Variants in ZDHHC22 observed in about 807,000 individuals in gnomAD.
ZDHHC22 encodes palmitoyltransferase ZDHHC22.
In ZDHHC22, 13 loss-of-function variants were observed where a neutral mutation model predicts 17.0. That is an observed-to-expected ratio of 0.76 (90% confidence interval 0.50 to 1.21). ZDHHC22 has a LOEUF of 1.21. ZDHHC22 is among the 50% of genes most tolerant of loss of function. The pLI is 0.00. For missense variants in ZDHHC22, 319 were observed against 342.3 expected (o/e 0.93, Z 0.54); for synonymous variants, 138 against 154.7 (o/e 0.89, Z 0.80).
Position 77,138,244 on chromosome 14 carries a change from C to T in ZDHHC22, c.526+969G>A, listed in dbSNP as rs187370346. Among the ~76,000 whole-genome samples the T allele has an allele frequency of 4.4e-3, 664 of 152,208 alleles. 4 individuals are homozygous for T. The highest frequency in any genetic ancestry group is 0.027 in the Middle Eastern group (8 of 294). On this transcript the variant is annotated intron_variant, in intron 2 of 2. Coordinates refer to ENST00000319374, the MANE Select transcript of ZDHHC22 (RefSeq NM_174976.2). ...TAGGGCCAGGTATCAGGTAGTGGTC[C>T]TTGGTGCATACTAGTTAAAGTGCAG...
In ZDHHC22 at chr14:77,132,380, C is replaced by G. The variant is rs1887044157; in HGVS notation, c.*1303G>C. ...AGGTAGCCCTGTCTCTGCAGAGACT[C>G]TCTCTTCAGTGGCTGGGTTGGGTCC... is the stretch of plus-strand genomic sequence containing the variant. On this transcript the variant is annotated 3_prime_UTR_variant, in exon 3 of 3. Coordinates refer to ENST00000319374, the MANE Select transcript of ZDHHC22 (RefSeq NM_174976.2). 1 of 152,266 alleles carries G rather than the reference C, an allele frequency of 6.6e-6. No homozygotes were observed. The allele number at this position is 152,266 out of a possible 1,614,324, so 9.4% of individuals were successfully genotyped here.
In ZDHHC22 at chr14:77,139,388, G is replaced by A. The variant is rs749809747; in HGVS notation, c.351C>T (p.Cys117=). The A allele has an allele frequency of 1.2e-5, 20 of 1,607,058 alleles. No homozygotes were observed. In the African/African-American group the frequency reaches 2.4e-4, roughly 19 times the overall value. ...AGTTGCGCATGTTCCTGCTGCCGATGCAGTTGCCGGTGAAGAAACAGTGAT... is the reference window on the plus strand; with the variant it reads ...AGTTGCGCATGTTCCTGCTGCCGATACAGTTGCCGGTGAAGAAACAGTGAT... ...HDHHCFFTGN[C]IGSRNMRNFV... The change falls in exon 2 of 3, where the codon TGC becomes TGT. Residue 117 remains cysteine, a synonymous_variant. Coordinates refer to ENST00000319374, the MANE Select transcript of ZDHHC22 (RefSeq NM_174976.2).
chr14:77,139,086 T>C (rs1300476146), intron 2 of ZDHHC22, 127 bp downstream of exon 2: 2 of 1,060,294 alleles, frequency 1.9e-6, no homozygotes, highest in East Asian at 2.6e-5. Context: ...AATTTTAATT[T>C]AGCGGGACGG....
At position 77,139,720 on chromosome 14, in the gene ZDHHC22, G is replaced by C; in HGVS notation, c.19C>G (p.Leu7Val). The change falls in exon 2 of 3, where the codon CTC (leucine) becomes GTC (valine). Residue 7 changes from leucine to valine, a missense_variant. By Grantham distance (32) the Leu-to-Val change is conservative. Transcript: ENST00000319374. ...AAGTAGGCGGGGGCCACCACGTTGAGCAGCCGCAGGGCCAGCATCCTCGAT... is the reference window on the plus strand; with the variant it reads ...AAGTAGGCGGGGGCCACCACGTTGACCAGCCGCAGGGCCAGCATCCTCGAT... MLALRLLNVVAPAYFLC... is the reference protein window; with the variant it reads MLALRLVNVVAPAYFLC... The C allele has an allele frequency of 6.6e-7, 1 of 1,513,446 alleles. No individual in the cohort carries two copies. The highest frequency in any genetic ancestry group is 8.8e-7 in the Non-Finnish European group (1 of 1,130,988). The allele number at this position is 1,513,446 out of a possible 1,614,324, so 93.8% of individuals were successfully genotyped here.
At position 77,139,582 on chromosome 14, in the gene ZDHHC22, G is replaced by A. The variant is rs1240271240; in HGVS notation, c.157C>T (p.Leu53Phe). The A allele has an allele frequency of 1.9e-6, 3 of 1,596,446 alleles. No individual in the cohort carries two copies. The highest frequency in any genetic ancestry group is 1.7e-5 in the Admixed American group (1 of 57,212). Residue 53 changes from leucine to phenylalanine, a missense_variant, in exon 2 of 3, where the codon CTC (leucine) becomes TTC (phenylalanine). Coordinates refer to ENST00000319374, the MANE Select transcript of ZDHHC22 (RefSeq NM_174976.2). Reference protein sequence around the residue: ...LFSPALLHGALFLFLSANALG... With the variant: ...LFSPALLHGAFFLFLSANALG... ...GCGTTGGCCGAGAGGAATAGGAAGAGCGCCCCGTGGAGCAGGGCGGGCGAG... is the reference window on the plus strand; with the variant it reads ...GCGTTGGCCGAGAGGAATAGGAAGAACGCCCCGTGGAGCAGGGCGGGCGAG...
intron 2 of ZDHHC22, among the ~76,000 whole-genome samples, chr14:77,136,524 G>T (rs143247273): frequency 5.3e-5 from 8 of 152,232 alleles, no homozygotes; most frequent in South Asian, 2.1e-4. Context: ...TAAGAATAAG[G>T]TTCAGAGAGG....
intron 2 of ZDHHC22, among the ~76,000 whole-genome samples, chr14:77,137,257 G>A (rs1022392500): frequency 6.6e-6 from 1 of 152,176 alleles, no homozygotes; most frequent in Non-Finnish European, 1.5e-5. Flanking sequence ...CCTGTTTCCA[G>A]TGGATATGGT....
At chr14:77,139,152 G>T in intron 2 of ZDHHC22, 61 bp downstream of exon 2, 2 of 1,499,814 alleles carry the variant, frequency 1.3e-6, no homozygotes, top group Admixed American at 4.2e-5. Flanking sequence ...TTGGGGCCCG[G>T]CAACCTTTGG....
intron 2 of ZDHHC22, among the ~76,000 whole-genome samples, chr14:77,138,014 C>T (rs1286354871): frequency 6.6e-6 from 1 of 152,172 alleles, no homozygotes; most frequent in Non-Finnish European, 1.5e-5. Flanking sequence ...CACTTAGTCC[C>T]GTCTGAGTCT....
chr14:77,137,129 G>A (rs1887150868), intron 2 of ZDHHC22, among the ~76,000 whole-genome samples: 1 of 152,176 alleles, frequency 6.6e-6, no homozygotes, highest in Non-Finnish European at 1.5e-5. Flanking sequence ...ATGGGAAAGG[G>A]AAAGCCAAAC....
In ZDHHC22 at chr14:77,133,716, G is replaced by A. The variant is rs767563207; in HGVS notation, c.759C>T (p.Val253=). Residue 253 remains valine, a synonymous_variant, in exon 3 of 3, where the codon GTC becomes GTT. Coordinates refer to ENST00000319374, the MANE Select transcript of ZDHHC22 (RefSeq NM_174976.2). ...LLGLLVPMFN[V]GSESSKQQDK ...CCTGCTGCTTGGAGCTCTCACTTCC[G>A]ACATTGAACATGGGGACCAGCAGGC... 3 of 1,613,818 alleles carry A rather than the reference G, an allele frequency of 1.9e-6. No individual in the cohort carries two copies. The highest frequency in any genetic ancestry group is 1.1e-5 in the South Asian group (1 of 91,068).
chr14:77,133,148 C>A lies in ZDHHC22; in HGVS notation c.*535G>T, dbSNP rs1032065885. On this transcript the variant is annotated 3_prime_UTR_variant, in exon 3 of 3. Coordinates refer to ENST00000319374, the MANE Select transcript of ZDHHC22 (RefSeq NM_174976.2). ...TGAGGGAGCAGCAAGCTACTAAGTT[C>A]TTTTTCCTACAGAGGGGATGCGGAC... 2 of 152,560 alleles carry A rather than the reference C, an allele frequency of 1.3e-5. No homozygotes were observed. The highest frequency in any genetic ancestry group is 3.4e-3 in the Middle Eastern group (1 of 296). 9.5% of individuals were successfully genotyped at this position (152,560 alleles called of 1,614,324 possible).
chr14:77,134,247 C>T (rs1380412504), intron 2 of ZDHHC22, among the ~76,000 whole-genome samples: 1 of 152,200 alleles, frequency 6.6e-6, no homozygotes, highest in African/African-American at 2.4e-5. Context: ...GGGGCAGCAC[C>T]TGGCCGCTGA....
chr14:77,139,214 G>A lies in ZDHHC22; in HGVS notation c.525C>T (p.Ser175=), dbSNP rs777527580. 36 of 1,573,362 alleles carry A rather than the reference G, an allele frequency of 2.3e-5. No individual in the cohort carries two copies. Among genetic ancestry groups the A allele is most frequent in the Admixed American group, 1.3e-4 (7 of 53,578 alleles). Residue 175 remains serine, a splice_region_variant and synonymous_variant, in exon 2 of 3, where the codon TCC becomes TCT. Transcript: ENST00000319374. ...LLPTSISQFF[S]GAVLGSEMFV... is the part of the protein sequence containing the mutation. ...ACCTGCCCGCCAAGGCCCACTCACC[G>A]GAGAAGAACTGGCTGATGGAGGTGG...
chr14:77,141,484 C>A lies in ZDHHC22; in HGVS notation c.-15+119G>T, dbSNP rs2021857. 2.6e-3 allele frequency: 405 copies of A among 153,302 alleles called. 1 individual carries two copies. The highest frequency in any genetic ancestry group is 9.3e-3 in the African/African-American group (385 of 41,558). The allele number at this position is 153,302 out of a possible 1,614,324, so 9.5% of individuals were successfully genotyped here. On this transcript the variant is annotated intron_variant, in intron 1 of 2. Transcript: ENST00000319374. ...GGCACAGCCGGAGCCTTGGAAAGACCGGCAGCGCCGGCAGCCGCGGGCTTC... is the reference window on the plus strand; with the variant it reads ...GGCACAGCCGGAGCCTTGGAAAGACAGGCAGCGCCGGCAGCCGCGGGCTTC...
Position 77,133,560 on chromosome 14 carries a change from G to A in ZDHHC22, c.*123C>T. 2.3e-6 allele frequency: 3 copies of A among 1,306,660 alleles called. No individual in the cohort carries two copies. Among genetic ancestry groups the A allele is most frequent in the Non-Finnish European group, 3.1e-6 (3 of 967,784 alleles). 80.9% of individuals were successfully genotyped at this position (1,306,660 alleles called of 1,614,324 possible). A position where few individuals can be genotyped will look rare whatever the true frequency, so the allele number is the denominator to read the frequency against. On this transcript the variant is annotated 3_prime_UTR_variant, in exon 3 of 3. Coordinates refer to ENST00000319374, the MANE Select transcript of ZDHHC22 (RefSeq NM_174976.2). ...TGTTCTCATGGGTGGAAGGTGAGGG[G>A]AAGATGCTAGGACCTTACCAGCACA...
intron 2 of ZDHHC22, among the ~76,000 whole-genome samples, chr14:77,135,510 C>A (rs138153907): frequency 9.0e-4 from 137 of 152,148 alleles, no homozygotes; most frequent in African/African-American, 3.2e-3. Context: ...GACAGATAGG[C>A]CCAGCTGCCA....
intron 2 of ZDHHC22, among the ~76,000 whole-genome samples, chr14:77,137,278 A>G (rs1029486423): frequency 6.6e-6 from 1 of 152,164 alleles, no homozygotes; most frequent in Non-Finnish European, 1.5e-5. Context: ...GAGGAAGTGA[A>G]AGACACTGGA....
Position 77,139,273 on chromosome 14 carries a change from A to G in ZDHHC22, c.466T>C (p.Phe156Leu). 1 of 1,596,422 alleles carries G rather than the reference A, an allele frequency of 6.3e-7. No individual in the cohort carries two copies. Among genetic ancestry groups the G allele is most frequent in the Non-Finnish European group, 8.5e-7 (1 of 1,171,756 alleles). ...GTGAGGAAGGCCAAGGGGTGGGCGA[A>G]GGAGATGGAAAGGACAGCGGAGATG... ...AYISAVLSIS[F>L]AHPLAFLTLL... The change falls in exon 2 of 3, where the codon TTC (phenylalanine) becomes CTC (leucine). Residue 156 changes from phenylalanine to leucine, a missense_variant. Coordinates refer to ENST00000319374, the MANE Select transcript of ZDHHC22 (RefSeq NM_174976.2).
Sources: allele counts gnomAD v4.1 joint callset (sites outside exome capture counted in the v4.1 genomes callset), GRCh38; gene constraint gnomAD v4.1.1; transcripts MANE v1.5; gene names NCBI Gene and HGNC (gene_info 2026-07-23, HGNC 2026-07-21).